R3HCC1L: variants seen among roughly 807,000 people sequenced by gnomAD.
R3HCC1L encodes the protein R3H domain and coiled-coil containing 1 like.
R3HCC1L carries 51 observed loss-of-function variants against 59.9 expected under a neutral mutation model. The ratio of observed to expected loss-of-function variants is 0.85; its 90% CI spans 0.68 to 1.07. The LOEUF (loss-of-function observed/expected upper bound fraction) is 1.07. Among genes scored for constraint, R3HCC1L ranks in the 50% least tolerant of loss-of-function variants. R3HCC1L has a pLI of 0.00. For missense variants in R3HCC1L, 965 were observed against 933.0 expected, an observed-to-expected ratio of 1.03 and a Z score of -0.45; for synonymous variants, 322 against 315.2, an observed-to-expected ratio of 1.02 and a Z score of -0.23.
At chr10:98,135,213 G>A (rs1490650432) in intron 1 of R3HCC1L, among the ~76,000 whole-genome samples, 1 of 152,162 alleles carries the variant, frequency 6.6e-6, no homozygotes, top group Non-Finnish European at 1.5e-5. Flanking sequence ...TTCTTGGCAG[G>A]CCTGCGAAAA....
chr10:98,158,025 AATC>A (rs1243561673), intron 2 of R3HCC1L, among the ~76,000 whole-genome samples: 1 of 152,220 alleles, frequency 6.6e-6, no homozygotes, highest in African/African-American at 2.4e-5. Flanking sequence ...AATTTCTAAA[AATC>A]ATCATTGGAA....
intron 2 of R3HCC1L, among the ~76,000 whole-genome samples, chr10:98,158,503 C>T (rs971011879): frequency 2.0e-5 from 3 of 152,178 alleles, no homozygotes; most frequent in Non-Finnish European, 4.4e-5. Flanking sequence ...CATTTTACTG[C>T]ATTCCCTTTC....
chr10:98,221,895 G>A (rs1262592309), intron 5 of R3HCC1L, among the ~76,000 whole-genome samples: 1 of 152,136 alleles, frequency 6.6e-6, no homozygotes, highest in African/African-American at 2.4e-5. Flanking sequence ...CTTTAAAGTA[G>A]TTTTTTCCAA....
At chr10:98,164,501 G>C (rs1307552568) in intron 4 of R3HCC1L, among the ~76,000 whole-genome samples, 5 of 152,304 alleles carry the variant, frequency 3.3e-5, no homozygotes, top group African/African-American at 1.2e-4. Context: ...CTACATCTCA[G>C]AGCAAATCAA....
intron 4 of R3HCC1L, among the ~76,000 whole-genome samples, chr10:98,173,776 T>C (rs544927945): frequency 1.3e-5 from 2 of 152,174 alleles, no homozygotes; most frequent in South Asian, 4.2e-4. Flanking sequence ...CCCCATAAGC[T>C]ATCTATCTCC....
Position 98,152,569 on chromosome 10 carries a change from C to G in R3HCC1L, c.-267-3524C>G, listed in dbSNP as rs1184561271. Reference sequence around the variant, plus strand: ...GGAGCGCCTCTTCCCGGCCGCCATCCCGTCTAGGAAGTGAGGAGCGTCTCT... The same window carrying G: ...GGAGCGCCTCTTCCCGGCCGCCATCGCGTCTAGGAAGTGAGGAGCGTCTCT... On this transcript the variant is annotated intron_variant, in intron 1 of 9. Transcript: ENST00000298999. 1.5e-5 allele frequency among the ~76,000 whole-genome samples: 2 copies of G among 130,268 alleles called. 1 individual carries two copies. Among genetic ancestry groups the G allele is most frequent in the Non-Finnish European group, 3.5e-5 (2 of 57,108 alleles). 85.5% of individuals were successfully genotyped at this position (130,268 alleles called of 152,430 possible).
At chr10:98,185,302 C>T (rs368487619) in intron 4 of R3HCC1L, among the ~76,000 whole-genome samples, 1 of 152,094 alleles carries the variant, frequency 6.6e-6, no homozygotes, top group East Asian at 1.9e-4. Context: ...TGAGCAAGTA[C>T]CCTTAATAAT....
At chr10:98,181,146 G>A (rs1787805943) in intron 4 of R3HCC1L, among the ~76,000 whole-genome samples, 1 of 151,178 alleles carries the variant, frequency 6.6e-6, no homozygotes, top group Admixed American at 6.6e-5. Context: ...TCCTAGCATT[G>A]ATGTTTTTGC....
chr10:98,140,424 A>G (rs1845027882), intron 1 of R3HCC1L, among the ~76,000 whole-genome samples: 1 of 152,218 alleles, frequency 6.6e-6, no homozygotes, highest in Admixed American at 6.5e-5. Context: ...ACACAGAGTC[A>G]TAGAGACACA....
intron 5 of R3HCC1L, among the ~76,000 whole-genome samples, chr10:98,220,423 T>C (rs61875286): frequency 0.13 from 19,150 of 145,506 alleles, 1,773 homozygotes; most frequent in Non-Finnish European, 0.2. Flanking sequence ...TTAGGGTACA[T>C]GTGCACATTG....
At chr10:98,159,403 A>G (rs1847184553) in intron 2 of R3HCC1L, among the ~76,000 whole-genome samples, 1 of 152,138 alleles carries the variant, frequency 6.6e-6, no homozygotes. Context: ...GTGGCATTAT[A>G]TTCTCTTTCT....
intron 4 of R3HCC1L, chr10:98,174,716 A>G (rs149555326): frequency 1.0e-6 from 1 of 984,244 alleles, no homozygotes; most frequent in Non-Finnish European, 1.2e-6. Flanking sequence ...TGATAGAAGT[A>G]TTATTGAAAT....
chr10:98,206,646 G>A (rs543076550), intron 4 of R3HCC1L, among the ~76,000 whole-genome samples: 1 of 152,044 alleles, frequency 6.6e-6, no homozygotes, highest in East Asian at 1.9e-4. Flanking sequence ...CCACTTATCA[G>A]TTTTGCTAAG....
In R3HCC1L at chr10:98,244,280, C is replaced by A; in HGVS notation, c.*122C>A. On this transcript the variant is annotated 3_prime_UTR_variant, in exon 10 of 10. Transcript: ENST00000298999. ...GTGCATGTTAAAGAGATAAAGTGAT[C>A]GAGACAAGGACTGACTGGGTATAGA... 2 of 927,350 alleles carry A rather than the reference C, an allele frequency of 2.2e-6. No individual in the cohort carries two copies. Among genetic ancestry groups the A allele is most frequent in the Non-Finnish European group, 3.3e-6 (2 of 603,146 alleles). 57.4% of individuals were successfully genotyped at this position (927,350 alleles called of 1,614,324 possible). A position where few individuals can be genotyped will look rare whatever the true frequency, so the allele number is the denominator to read the frequency against.
At chr10:98,217,414 A>G (rs1854336955) in intron 5 of R3HCC1L, among the ~76,000 whole-genome samples, 2 of 152,228 alleles carry the variant, frequency 1.3e-5, no homozygotes, top group African/African-American at 4.8e-5. Context: ...TTTGGTTACT[A>G]CAGCTTTACA....
At position 98,208,516 on chromosome 10, in the gene R3HCC1L, AC is replaced by A. The variant is rs1205814662; in HGVS notation, c.404del (p.Pro135LeufsTer21). On this transcript the variant is annotated frameshift_variant, in exon 5 of 10. Coordinates refer to ENST00000298999, the MANE Select transcript of R3HCC1L (RefSeq NM_001351015.2). LOFTEE classifies it high-confidence loss of function. Reference protein sequence around the residue: ...APNAGVITNAPLQRHFKPKKV... With the variant: ...APNAGVITNAXLQRHFKPKKV... Reference sequence around the variant, plus strand: ...CAAATGCTGGGGTTATAACTAATGCACCTTTGCAGAGACATTTTAAACCAAA... The same window carrying A: ...CAAATGCTGGGGTTATAACTAATGCACTTTGCAGAGACATTTTAAACCAAA... 1 of 1,614,030 alleles carries A rather than the reference AC, an allele frequency of 6.2e-7. No homozygotes were observed. The highest frequency in any genetic ancestry group is 8.5e-7 in the Non-Finnish European group (1 of 1,180,024).
intron 4 of R3HCC1L, among the ~76,000 whole-genome samples, chr10:98,174,235 A>T (rs534009787): frequency 1.3e-5 from 2 of 152,270 alleles, no homozygotes; most frequent in South Asian, 4.2e-4. Context: ...AATGTTTTTC[A>T]TGTGTCGGGC....
intron 4 of R3HCC1L, among the ~76,000 whole-genome samples, chr10:98,197,689 T>C (rs1466522741): frequency 6.6e-6 from 1 of 152,096 alleles, no homozygotes; most frequent in Non-Finnish European, 1.5e-5. Context: ...GCATTGTAGA[T>C]ACAAAGACAA....
At chr10:98,234,255 G>A (rs1856681034) in intron 6 of R3HCC1L, among the ~76,000 whole-genome samples, 191 bp from the exon 7 acceptor site, 2 of 152,096 alleles carry the variant, frequency 1.3e-5, no homozygotes, top group Non-Finnish European at 2.9e-5. Flanking sequence ...TGTTTATGAT[G>A]GTATTATTGC....
Sources: allele counts gnomAD v4.1 joint callset (sites outside exome capture counted in the v4.1 genomes callset), GRCh38; gene constraint gnomAD v4.1.1; transcripts MANE v1.5; gene names NCBI Gene and HGNC (gene_info 2026-07-23, HGNC 2026-07-21).